The following PRDM16 variants were observed in gnomAD, a reference collection of about 807,000 sequenced individuals.
PRDM16 encodes histone-lysine N-methyltransferase PRDM16.
In PRDM16, 23 loss-of-function variants were observed where a neutral mutation model predicts 110.6. The ratio of observed to expected loss-of-function variants is 0.21; its 90% CI spans 0.15 to 0.29. The LOEUF (loss-of-function observed/expected upper bound fraction) is 0.29. Among genes scored for constraint, PRDM16 ranks in the 10% least tolerant of loss-of-function variants. PRDM16 has a pLI of 1.00. For synonymous variants in PRDM16, 799 were observed against 781.8 expected (o/e 1.02, Z -0.37); for missense variants, 1,615 against 1,794.3 (o/e 0.90, Z 1.81).
intron 3 of PRDM16, among the ~76,000 whole-genome samples, chr1:3,340,019 G>A (rs772666379): frequency 2.6e-5 from 4 of 152,198 alleles, no homozygotes; most frequent in South Asian, 2.1e-4. Context: ...CTGATGCTCC[G>A]TCAATGGCAG....
At chr1:3,321,812 G>A (rs781534828) in intron 3 of PRDM16, among the ~76,000 whole-genome samples, 1 of 149,868 alleles carries the variant, frequency 6.7e-6, no homozygotes, top group Non-Finnish European at 1.5e-5. Flanking sequence ...GTGTGTGTAG[G>A]TGCACATGTG....
rs905570436 is a variant in PRDM16 at position 3,290,588 on chromosome 1, C to T, written c.438+46451C>T. Among the ~76,000 whole-genome samples the T allele has an allele frequency of 1.3e-5, 2 of 152,168 alleles. No homozygotes were observed. Among genetic ancestry groups the T allele is most frequent in the African/African-American group, 2.4e-5 (1 of 41,454 alleles). On this transcript the variant is annotated intron_variant, in intron 3 of 16. Transcript: ENST00000270722. This position sits in a 1 kb window ranked among gnomAD's most constrained non-coding sequence, Gnocchi z 4.8. ...AGAGGTGGCATCACTGAAGAAGCCC[C>T]GTGGCTCCGGCTCCGTCTGCAGGAT... is the stretch of plus-strand genomic sequence containing the variant.
chr1:3,300,361 G>A (rs1408588660), intron 3 of PRDM16, among the ~76,000 whole-genome samples: 2 of 131,416 alleles, frequency 1.5e-5, no homozygotes, highest in Non-Finnish European at 3.3e-5. Flanking sequence ...CCCAGTCGTG[G>A]TGACTCTGCC....
At chr1:3,215,466 T>TCCCGGGGACA (rs1453346869) in intron 2 of PRDM16, among the ~76,000 whole-genome samples, 2 of 149,198 alleles carry the variant, frequency 1.3e-5, no homozygotes, top group African/African-American at 2.5e-5. Context: ...GGGTCATGGG[T>TCCCGGGGACA]GGAGGCGGGA....
chr1:3,163,429 C>T (rs181154771), intron 1 of PRDM16, among the ~76,000 whole-genome samples: 10 of 152,316 alleles, frequency 6.6e-5, no homozygotes, highest in African/African-American at 2.2e-4. Flanking sequence ...CGTGCACAGC[C>T]GGAGGCCTGA....
chr1:3,201,114 G>C lies in PRDM16; in HGVS notation c.387+14640G>C, dbSNP rs12095716. 0.42 allele frequency among the ~76,000 whole-genome samples: 63,059 copies of C among 151,930 alleles called. 18,819 individuals carry two copies. Among genetic ancestry groups the C allele is most frequent in the African/African-American group, 0.85 (35,134 of 41,420 alleles). On this transcript the variant is annotated intron_variant, in intron 2 of 16. Coordinates refer to ENST00000270722, the MANE Select transcript of PRDM16 (RefSeq NM_022114.4). The surrounding 1 kb of genome is among the most constrained non-coding windows in gnomAD (Gnocchi z 4.1). ...GAAGTCTGATGGCAGAAGGACATCA[G>C]GACCCCTGAGTTTTGGGAGCATAGA...
chr1:3,075,377 A>T (rs1384473778), intron 1 of PRDM16, among the ~76,000 whole-genome samples: 2 of 152,280 alleles, frequency 1.3e-5, no homozygotes, highest in African/African-American at 2.4e-5. Flanking sequence ...ATAAAAAAAT[A>T]AACCAGTGGT....
chr1:3,100,014 G>A (rs1282266005), intron 1 of PRDM16, among the ~76,000 whole-genome samples: 1 of 152,178 alleles, frequency 6.6e-6, no homozygotes, highest in African/African-American at 2.4e-5. Flanking sequence ...CCCTGGGTGA[G>A]GGAGCCGTAG....
chr1:3,239,525 T>G (rs1177844618), intron 2 of PRDM16, among the ~76,000 whole-genome samples: 1 of 152,082 alleles, frequency 6.6e-6, no homozygotes, highest in African/African-American at 2.4e-5. Flanking sequence ...TAGACAACCC[T>G]GACCCCCCGA....
intron 3 of PRDM16, among the ~76,000 whole-genome samples, chr1:3,250,099 G>A (rs1289415225): frequency 1.3e-5 from 2 of 151,892 alleles, no homozygotes; most frequent in Non-Finnish European, 2.9e-5. Flanking sequence ...CCTGGCTTCC[G>A]CTTCCTCCGT....
At chr1:3,283,929 G>A (rs1489995523) in intron 3 of PRDM16, among the ~76,000 whole-genome samples, 1 of 152,218 alleles carries the variant, frequency 6.6e-6, no homozygotes, top group Admixed American at 6.5e-5. Context: ...GCTCAGATTC[G>A]GGGGACCGGT....
At chr1:3,348,724 A>C (rs1441569196) in intron 3 of PRDM16, among the ~76,000 whole-genome samples, 1 of 152,234 alleles carries the variant, frequency 6.6e-6, no homozygotes, top group African/African-American at 2.4e-5. Context: ...TCACAGGAAC[A>C]GTCTGTCCTC....
intron 15 of PRDM16, among the ~76,000 whole-genome samples, chr1:3,431,537 C>T (rs1225173357): frequency 6.6e-6 from 1 of 152,246 alleles, no homozygotes; most frequent in Non-Finnish European, 1.5e-5. Flanking sequence ...AATATCGGGC[C>T]TGGGCGACAC....
At chr1:3,234,363 G>C (rs1220080994) in intron 2 of PRDM16, among the ~76,000 whole-genome samples, 2 of 152,184 alleles carry the variant, frequency 1.3e-5, no homozygotes, top group African/African-American at 4.8e-5. Flanking sequence ...GCACAAAGGA[G>C]CTGTCCCCGC....
intron 1 of PRDM16, among the ~76,000 whole-genome samples, chr1:3,099,607 G>A (rs771667486): frequency 4.6e-5 from 7 of 152,180 alleles, no homozygotes; most frequent in Non-Finnish European, 7.3e-5. Context: ...ACAGAGAGAG[G>A]TGCTCCCTGA....
chr1:3,412,253 A>G lies in PRDM16; in HGVS notation c.2056A>G (p.Thr686Ala), dbSNP rs575376153. 101 of 1,611,622 alleles carry G rather than the reference A, an allele frequency of 6.3e-5. No individual in the cohort carries two copies. The highest frequency in any genetic ancestry group is 3.3e-4 in the Middle Eastern group (2 of 6,080). Reference protein sequence around the residue: ...PPPDEQLLTATGAAGDSIKAI... With the variant: ...PPPDEQLLTAAGAAGDSIKAI... ...ACCCGACGAGCAGCTGCTGACTGCA[A>G]CGGGCGCCGCCGGGGACTCCATCAA... Residue 686 changes from threonine (T) to alanine (A), a missense_variant, in exon 9 of 17, where the codon ACG (threonine) becomes GCG (alanine). Around this residue, in one of 5 missense-constraint regions of PRDM16, gnomAD observed 772 missense variants for 748.3 expected, o/e 1.03. Coordinates refer to ENST00000270722, the MANE Select transcript of PRDM16 (RefSeq NM_022114.4).
chr1:3,110,306 C>T (rs74695684), intron 1 of PRDM16, among the ~76,000 whole-genome samples: 1 of 147,162 alleles, frequency 6.8e-6, no homozygotes. Flanking sequence ...GCGGCTCCCC[C>T]ATGTCCTGGG....
At chr1:3,071,070 C>T (rs1641746752) in intron 1 of PRDM16, among the ~76,000 whole-genome samples, 1 of 152,254 alleles carries the variant, frequency 6.6e-6, no homozygotes, top group Non-Finnish European at 1.5e-5. Context: ...CACCGCGGGC[C>T]TGCTCAGAGT....
intron 1 of PRDM16, among the ~76,000 whole-genome samples, chr1:3,182,008 C>T (rs1319948668): frequency 6.6e-6 from 1 of 152,204 alleles, no homozygotes; most frequent in African/African-American, 2.4e-5. Context: ...CACATGCTTA[C>T]ACACACTGTC....
Sources: gnomAD v4.1 joint callset for allele counts (sites outside exome capture counted in the v4.1 genomes callset) on GRCh38, gnomAD v4.1.1 for gene constraint, gnomAD v4.1.1 regional missense constraint, Gnocchi (gnomAD v3.1) non-coding constraint, MANE v1.5 for transcripts, NCBI Gene and HGNC (gene_info 2026-07-23, HGNC 2026-07-21) for gene names.